Variants in FHIT observed in about 807,000 individuals in gnomAD.
The protein encoded by FHIT is fragile histidine triad diadenosine triphosphatase.
A neutral mutation model predicts 17.9 loss-of-function variants in FHIT; 19 were observed. That is an observed-to-expected ratio of 1.06 (90% confidence interval 0.74 to 1.56). FHIT has a LOEUF of 1.56. FHIT is among the 40% of genes most tolerant of loss of function. The probability of loss-of-function intolerance (pLI) is 0.00; values close to 1 mark genes in which losing one functional copy is unlikely to be tolerated. For missense variants in FHIT, 248 were observed against 189.2 expected, an observed-to-expected ratio of 1.31 and a Z score of -1.82; for synonymous variants, 81 against 69.7, an observed-to-expected ratio of 1.16 and a Z score of -0.81.
intron 5 of FHIT, among the ~76,000 whole-genome samples, chr3:60,211,348 T>C (rs1418606288): frequency 6.6e-6 from 1 of 151,934 alleles, no homozygotes; most frequent in Non-Finnish European, 1.5e-5. Flanking sequence ...TATTAAAAAT[T>C]TGGGGGAGGA....
At chr3:59,813,860 A>C (rs1485431333) in intron 8 of FHIT, among the ~76,000 whole-genome samples, 10 of 152,098 alleles carry the variant, frequency 6.6e-5, no homozygotes, top group Non-Finnish European at 1.2e-4. Flanking sequence ...TAGGCTATGA[A>C]GGGGGTAACT....
At chr3:60,232,204 A>T (rs1310975748) in intron 5 of FHIT, among the ~76,000 whole-genome samples, 2 of 152,102 alleles carry the variant, frequency 1.3e-5, no homozygotes, top group Admixed American at 6.5e-5. Flanking sequence ...ATCATATTTC[A>T]AGTTGGGAAA....
At chr3:60,165,965 A>C (rs1420035004) in intron 5 of FHIT, among the ~76,000 whole-genome samples, 1 of 152,136 alleles carries the variant, frequency 6.6e-6, no homozygotes, top group African/African-American at 2.4e-5. Flanking sequence ...TACTTACAAA[A>C]ATGCCTCCTT....
intron 7 of FHIT, among the ~76,000 whole-genome samples, chr3:59,964,516 T>C (rs1225399750): frequency 6.6e-6 from 1 of 152,148 alleles, no homozygotes; most frequent in Non-Finnish European, 1.5e-5. Context: ...CCTAGAAGGC[T>C]AGTGACTTAA....
At chr3:59,877,333 C>T (rs2106934839) in intron 8 of FHIT, among the ~76,000 whole-genome samples, 1 of 152,298 alleles carries the variant, frequency 6.6e-6, no homozygotes, top group East Asian at 1.9e-4. Flanking sequence ...AATGGTTTGT[C>T]ATAAATGACT....
chr3:60,656,972 A>G (rs922240461), intron 4 of FHIT, among the ~76,000 whole-genome samples: 1 of 63,442 alleles, frequency 1.6e-5, no homozygotes, highest in Non-Finnish European at 4.0e-5. Flanking sequence ...GAATTTTTTT[A>G]TGTCCACACA....
chr3:59,849,327 C>T (rs1009657208), intron 8 of FHIT, among the ~76,000 whole-genome samples: 2 of 151,986 alleles, frequency 1.3e-5, no homozygotes, highest in African/African-American at 4.8e-5. Context: ...GAGCTGAGAT[C>T]ATGCTACTGC....
At chr3:60,452,633 A>T (rs2031825038) in intron 5 of FHIT, among the ~76,000 whole-genome samples, 1 of 152,204 alleles carries the variant, frequency 6.6e-6, no homozygotes, top group Non-Finnish European at 1.5e-5. Context: ...TTGCTTGAAA[A>T]GTGCCTTCTC....
At chr3:60,855,138 T>C (rs998876617) in intron 3 of FHIT, among the ~76,000 whole-genome samples, 8 of 152,158 alleles carry the variant, frequency 5.3e-5, no homozygotes, top group African/African-American at 1.9e-4. Flanking sequence ...TGACAAAATG[T>C]ATTCTCCTTC....
At chr3:60,310,050 G>C (rs1038456394) in intron 5 of FHIT, among the ~76,000 whole-genome samples, 4 of 152,088 alleles carry the variant, frequency 2.6e-5, no homozygotes, top group Admixed American at 6.6e-5. Flanking sequence ...CTGGAATCAG[G>C]TCATGCAGGC....
intron 7 of FHIT, among the ~76,000 whole-genome samples, chr3:59,989,129 C>T (rs978163953): frequency 1.3e-5 from 2 of 151,988 alleles, no homozygotes; most frequent in Admixed American, 6.6e-5. Context: ...AATAGATGAA[C>T]AGTGATTTTA....
chr3:59,758,375 T>C (rs1260077617), intron 8 of FHIT, among the ~76,000 whole-genome samples: 1 of 152,154 alleles, frequency 6.6e-6, no homozygotes, highest in African/African-American at 2.4e-5. Context: ...GCAAGAGAGC[T>C]GAAATTTGCC....
At chr3:60,899,946 G>A (rs560248170) in intron 3 of FHIT, among the ~76,000 whole-genome samples, 6 of 152,202 alleles carry the variant, frequency 3.9e-5, no homozygotes, top group Non-Finnish European at 5.9e-5. Context: ...ACTGCATACC[G>A]CACTGGGCAC....
At chr3:61,172,482 G>T (rs755378818) in intron 2 of FHIT, among the ~76,000 whole-genome samples, 1 of 152,130 alleles carries the variant, frequency 6.6e-6, no homozygotes, top group Non-Finnish European at 1.5e-5. Context: ...AGGCACGAGG[G>T]ACAGAAATGG....
At chr3:60,463,401 T>C (rs1167987473) in intron 5 of FHIT, among the ~76,000 whole-genome samples, 1 of 152,204 alleles carries the variant, frequency 6.6e-6, no homozygotes, top group African/African-American at 2.4e-5. Flanking sequence ...TAGAAGGATT[T>C]AATCACATAA....
chr3:60,355,488 G>A (rs1407293588), intron 5 of FHIT, among the ~76,000 whole-genome samples: 2 of 150,638 alleles, frequency 1.3e-5, no homozygotes, highest in African/African-American at 2.4e-5. Flanking sequence ...AAAAAAAAAA[G>A]CAAAGCAAGA....
At chr3:60,824,870 C>G (rs782518386) in intron 3 of FHIT, among the ~76,000 whole-genome samples, 2 of 152,190 alleles carry the variant, frequency 1.3e-5, no homozygotes, top group South Asian at 4.1e-4. Context: ...CCCAGCTACA[C>G]GGAACTGTAA....
intron 8 of FHIT, among the ~76,000 whole-genome samples, chr3:59,764,602 T>C (rs1325203918): frequency 6.6e-6 from 1 of 152,186 alleles, no homozygotes; most frequent in Non-Finnish European, 1.5e-5. Context: ...GGAGCCAACC[T>C]TTCCCAAATG....
intron 1 of FHIT, among the ~76,000 whole-genome samples, chr3:61,236,842 T>C (rs974727232): frequency 6.6e-6 from 1 of 152,188 alleles, no homozygotes; most frequent in Non-Finnish European, 1.5e-5. Flanking sequence ...ATATGCTTCC[T>C]GGCCCACTCA....
Sources: gnomAD v4.1 joint callset for allele counts (sites outside exome capture counted in the v4.1 genomes callset) on GRCh38, gnomAD v4.1.1 for gene constraint, MANE v1.5 for transcripts, NCBI Gene and HGNC (gene_info 2026-07-23, HGNC 2026-07-21) for gene names.